The following PRELID2 variants were observed in gnomAD, a reference collection of about 807,000 sequenced individuals.
PRELID2 encodes PRELI domain containing 2.
A neutral mutation model predicts 28.4 loss-of-function variants in PRELID2; 25 were observed. That is an observed-to-expected ratio of 0.88 (90% CI 0.64 to 1.23). The LOEUF is 1.23. Ranked by LOEUF, PRELID2 falls within the 50% of genes most tolerant of loss-of-function variation. PRELID2 has a pLI of 0.00. For synonymous variants in PRELID2, 76 were observed against 71.6 expected, an observed-to-expected ratio of 1.06 and a Z score of -0.31; for missense variants, 201 against 214.4, an observed-to-expected ratio of 0.94 and a Z score of 0.39.
chr5:145,397,965 T>C, the PRELID2 span, among the ~76,000 whole-genome samples: 1 of 152,152 alleles, frequency 6.6e-6, no homozygotes, highest in Non-Finnish European at 1.5e-5. Context: ...TGTGAGGCGA[T>C]GGCTGGTGAA....
At chr5:145,752,975 GT>G (rs1465554731), downstream of PRELID2, among the ~76,000 whole-genome samples, 1 of 152,328 alleles carries the variant, frequency 6.6e-6, no homozygotes, top group African/African-American at 2.4e-5. Flanking sequence ...TAATTTTAAA[GT>G]TTAAACAATT....
intron 1 of PRELID2, among the ~76,000 whole-genome samples, chr5:145,555,294 T>C (rs1382940066): frequency 3.9e-5 from 6 of 152,208 alleles, no homozygotes; most frequent in Non-Finnish European, 1.5e-5. Flanking sequence ...TCTGAAGGCA[T>C]ACCTTGAACT....
chr5:145,443,116 C>A, the PRELID2 span, among the ~76,000 whole-genome samples: 1 of 152,060 alleles, frequency 6.6e-6, no homozygotes. Flanking sequence ...GACTGCACAT[C>A]CATTCATAGG....
chr5:145,576,309 C>T (rs150000539), intron 1 of PRELID2, among the ~76,000 whole-genome samples: 12 of 152,252 alleles, frequency 7.9e-5, no homozygotes, highest in Admixed American at 2.0e-4. Flanking sequence ...AACCACTAAT[C>T]TGTCTTCTGT....
chr5:145,509,804 T>G (rs538374874), intron 1 of PRELID2, among the ~76,000 whole-genome samples: 3 of 152,188 alleles, frequency 2.0e-5, no homozygotes, highest in Non-Finnish European at 4.4e-5. Context: ...ATCAAGCATC[T>G]TGCCCAAAGT....
Position 145,654,057 on chromosome 5 carries a change from T to C in PRELID2, n.70+110874A>G, listed in dbSNP as rs898139158. 2.0e-5 allele frequency among the ~76,000 whole-genome samples: 3 copies of C among 151,766 alleles called. No homozygotes were observed. In the East Asian group the frequency reaches 5.8e-4, roughly 29 times the overall value. On this transcript the variant is annotated intron_variant and non_coding_transcript_variant, in intron 1 of 2. Transcript: ENST00000510259. ...ATCAAACAGATGCAATAAAAAATGA[T>C]AAAGGGGATATCACCACCGATCCCA... is the stretch of plus-strand genomic sequence containing the variant.
intron 1 of PRELID2, among the ~76,000 whole-genome samples, chr5:145,674,209 G>A (rs1011363946): frequency 6.6e-6 from 1 of 152,082 alleles, no homozygotes; most frequent in African/African-American, 2.4e-5. Context: ...TGCGCACAAC[G>A]TGCAGGTTTG....
At chr5:145,653,854 C>A (rs1432235400) in intron 1 of PRELID2, among the ~76,000 whole-genome samples, 1 of 152,034 alleles carries the variant, frequency 6.6e-6, no homozygotes, top group African/African-American at 2.4e-5. Flanking sequence ...GAAGCAAGAG[C>A]AAACACATTC....
At chr5:145,322,951 A>G in the PRELID2 span, among the ~76,000 whole-genome samples, 4 of 152,288 alleles carry the variant, frequency 2.6e-5, no homozygotes, top group East Asian at 5.8e-4. Flanking sequence ...ACTGCACTCC[A>G]GCCTGGTGAC....
intron 1 of PRELID2, among the ~76,000 whole-genome samples, chr5:145,689,266 G>C (rs1007981202): frequency 7.2e-5 from 11 of 151,958 alleles, no homozygotes; most frequent in Non-Finnish European, 1.5e-4. Context: ...ATGTCTCCAA[G>C]AGACCTCCGT....
At chr5:145,511,290 T>C (rs541225885) in intron 1 of PRELID2, among the ~76,000 whole-genome samples, 1 of 152,354 alleles carries the variant, frequency 6.6e-6, no homozygotes, top group South Asian at 2.1e-4. Context: ...AATGTTTTAA[T>C]TAAAAAATAG....
intron 1 of PRELID2, among the ~76,000 whole-genome samples, chr5:145,524,319 G>C (rs867514698): frequency 5.9e-5 from 9 of 152,214 alleles, no homozygotes; most frequent in African/African-American, 1.9e-4. Flanking sequence ...CATTAGTATG[G>C]AGTGCAGATC....
the PRELID2 span, among the ~76,000 whole-genome samples, chr5:145,268,474 C>T: frequency 1.3e-5 from 2 of 152,074 alleles, no homozygotes; most frequent in African/African-American, 2.4e-5. Flanking sequence ...TGGGCTTCCA[C>T]GCACCACAGG....
At chr5:145,386,689 G>A in the PRELID2 span, among the ~76,000 whole-genome samples, 1 of 152,068 alleles carries the variant, frequency 6.6e-6, no homozygotes, top group South Asian at 2.1e-4. Flanking sequence ...GGCATTATTT[G>A]TATTGTTTAC....
At chr5:145,319,300 C>G in the PRELID2 span, among the ~76,000 whole-genome samples, 2 of 152,162 alleles carry the variant, frequency 1.3e-5, no homozygotes, top group African/African-American at 4.8e-5. Flanking sequence ...ATAATGTCAA[C>G]TGAAGAAAGT....
the PRELID2 span, among the ~76,000 whole-genome samples, chr5:145,371,640 A>G: frequency 6.6e-6 from 1 of 151,780 alleles, no homozygotes; most frequent in Non-Finnish European, 1.5e-5. Flanking sequence ...TGAGTTAGGG[A>G]GGAGTCCCTT....
At chr5:145,609,826 G>C (rs1036517648) in intron 1 of PRELID2, among the ~76,000 whole-genome samples, 7 of 152,234 alleles carry the variant, frequency 4.6e-5, no homozygotes, top group Non-Finnish European at 2.9e-5. Context: ...TGCAGTCCAG[G>C]TGCTTCCCAG....
chr5:145,371,364 G>C, the PRELID2 span, among the ~76,000 whole-genome samples: 32 of 152,068 alleles, frequency 2.1e-4, no homozygotes, highest in Admixed American at 2.1e-3. Context: ...TGCATCTATT[G>C]AGATAATCAT....
In PRELID2 at chr5:145,736,373, C is replaced by G. The variant is rs138226512; in HGVS notation, n.70+28558G>C. On this transcript the variant is annotated intron_variant and non_coding_transcript_variant, in intron 1 of 2. Coordinates refer to the PRELID2 transcript ENST00000510259. Reference sequence around the variant, plus strand: ...AGGAATCAAACCTCACAGAGGGTAACTAACTTTCCCAAGAACACACAGCTC... The same window carrying G: ...AGGAATCAAACCTCACAGAGGGTAAGTAACTTTCCCAAGAACACACAGCTC... Among the ~76,000 whole-genome samples, 193 of 125,266 alleles carry G rather than the reference C, an allele frequency of 1.5e-3. 1 individual carries two copies. The highest frequency in any genetic ancestry group is 5.1e-3 in the African/African-American group (177 of 34,718). 82.2% of individuals were successfully genotyped at this position (125,266 alleles called of 152,430 possible). A position where few individuals can be genotyped will look rare whatever the true frequency, so the allele number is the denominator to read the frequency against.
Sources: allele counts gnomAD v4.1 joint callset (sites outside exome capture counted in the v4.1 genomes callset), GRCh38; gene constraint gnomAD v4.1.1; transcripts MANE v1.5; gene names NCBI Gene and HGNC (gene_info 2026-07-23, HGNC 2026-07-21).